The following TIA1 variants were observed in gnomAD, a reference collection of about 807,000 sequenced individuals.
TIA1 encodes the protein cytotoxic granule associated RNA binding protein TIA1.
Under a neutral mutation model 65.9 loss-of-function variants are expected in TIA1, and 23 were observed. The observed-to-expected ratio is 0.35, with a 90% CI of 0.25 to 0.49. The LOEUF (loss-of-function observed/expected upper bound fraction) is 0.49. Among genes scored for constraint, TIA1 ranks in the 20% least tolerant of loss-of-function variants. The pLI, the probability that TIA1 is intolerant of heterozygous loss-of-function variation, is 0.98. For missense variants in TIA1, 371 were observed against 477.9 expected (o/e 0.78, Z 2.09); for synonymous variants, 147 against 149.4 (o/e 0.98, Z 0.12).
intron 9 of TIA1, 36 bp from the exon 10 acceptor site, chr2:70,216,328 T>A: frequency 6.3e-7 from 1 of 1,579,750 alleles, no homozygotes; most frequent in African/African-American, 1.4e-5. Flanking sequence ...CAAATCACAC[T>A]AAGTTATATA....
At chr2:70,217,407 T>C (rs999007978) in intron 7 of TIA1, among the ~76,000 whole-genome samples, 4 of 78,660 alleles carry the variant, frequency 5.1e-5, no homozygotes, top group Admixed American at 3.3e-4. Flanking sequence ...TCTTCTTCTT[T>C]TTTTTTTCTT....
At chr2:70,232,990 C>T (rs997700684) in intron 2 of TIA1, among the ~76,000 whole-genome samples, 17 of 152,176 alleles carry the variant, frequency 1.1e-4, no homozygotes, top group Admixed American at 3.3e-4. Context: ...ATTTTTACAC[C>T]TACAGTGCAA....
intron 1 of TIA1, among the ~76,000 whole-genome samples, chr2:70,238,698 T>A (rs67728807): frequency 0.084 from 12,783 of 151,908 alleles, 569 homozygotes; most frequent in East Asian, 0.18. Flanking sequence ...ATGAGTTGGT[T>A]ATCAATATAA....
Position 70,236,175 on chromosome 2 carries a change from T to G in TIA1, c.27A>C (p.Leu9=). The part of the protein sequence containing the change: MEDEMPKT[L]YVGNLSRDVT... ...CATCTCTGGAAAGGTTACCGACGTA[T>G]CTGAAACACAAAGAGAAACAATTTA... The change falls in exon 2 of 13, where the codon CTA becomes CTC. Residue 9 remains leucine, a splice_region_variant and synonymous_variant. Transcript: ENST00000433529. 1 of 1,581,250 alleles carries G rather than the reference T, an allele frequency of 6.3e-7. No individual in the cohort carries two copies. The highest frequency in any genetic ancestry group is 1.2e-5 in the South Asian group (1 of 86,644).
intron 2 of TIA1, among the ~76,000 whole-genome samples, chr2:70,232,378 TAAAA>T (rs1447752786): frequency 1.4e-5 from 2 of 145,634 alleles, no homozygotes; most frequent in Middle Eastern, 3.9e-3. Context: ...CTGTCTCTAC[TAAAA>T]ATACAAAATT....
At chr2:70,227,347 G>A (rs1684266153) in intron 6 of TIA1, among the ~76,000 whole-genome samples, 1 of 151,960 alleles carries the variant, frequency 6.6e-6, no homozygotes, top group African/African-American at 2.4e-5. Context: ...GTTTCTTTTT[G>A]TTAAAATATA....
chr2:70,231,046 T>C (rs1686040045), intron 2 of TIA1, among the ~76,000 whole-genome samples, 192 bp from the exon 3 acceptor site: 1 of 152,160 alleles, frequency 6.6e-6, no homozygotes, highest in South Asian at 2.1e-4. Context: ...ACACCTGTAA[T>C]CCCAGCACTT....
intron 2 of TIA1, among the ~76,000 whole-genome samples, chr2:70,234,649 C>T (rs187193068): frequency 2.0e-5 from 3 of 152,214 alleles, no homozygotes; most frequent in African/African-American, 7.2e-5. Context: ...GCAACCTTCG[C>T]CTCCTGGGTT....
intron 7 of TIA1, among the ~76,000 whole-genome samples, chr2:70,221,584 G>A (rs903200584): frequency 2.6e-4 from 40 of 152,118 alleles, no homozygotes; most frequent in Middle Eastern, 3.2e-3. Flanking sequence ...CCATTTATAG[G>A]AAATGTTGAG....
At chr2:70,235,262 A>G (rs1688294343) in intron 2 of TIA1, among the ~76,000 whole-genome samples, 1 of 152,120 alleles carries the variant, frequency 6.6e-6, no homozygotes, top group African/African-American at 2.4e-5. Context: ...CTAAGAATAC[A>G]AAATTAGCCA....
intron 2 of TIA1, among the ~76,000 whole-genome samples, chr2:70,232,300 G>A (rs1031258529): frequency 1.3e-5 from 2 of 151,360 alleles, no homozygotes; most frequent in Non-Finnish European, 2.9e-5. Context: ...CAGCACTTTG[G>A]GAGGCCAAGG....
chr2:70,234,513 A>G lies in TIA1; in HGVS notation c.123+1566T>C, dbSNP rs116832909. Among the ~76,000 whole-genome samples, 604 of 152,364 alleles carry G rather than the reference A, an allele frequency of 4.0e-3. 3 individuals carry two copies. The highest frequency in any genetic ancestry group is 0.013 in the African/African-American group (546 of 41,588). On this transcript the variant is annotated intron_variant, in intron 2 of 12. Transcript: ENST00000433529. Reference sequence around the variant, plus strand: ...ATGCAGATGATTTTGCAGCATCAGAACAAAGGTCTGACAACATTTTAAGAT... The same window carrying G: ...ATGCAGATGATTTTGCAGCATCAGAGCAAAGGTCTGACAACATTTTAAGAT...
At chr2:70,219,923 C>T (rs1209334287) in intron 7 of TIA1, among the ~76,000 whole-genome samples, 1 of 151,964 alleles carries the variant, frequency 6.6e-6, no homozygotes, top group Non-Finnish European at 1.5e-5. Context: ...ATCACCCCAA[C>T]CAGTCCGAAC....
intron 1 of TIA1, among the ~76,000 whole-genome samples, chr2:70,237,498 G>A (rs1311838217): frequency 2.0e-5 from 3 of 152,088 alleles, no homozygotes; most frequent in African/African-American, 4.8e-5. Context: ...TTGTTTCTAC[G>A]TTTCCAGGCT....
chr2:70,247,938 T>A (rs1339827194), intron 1 of TIA1, among the ~76,000 whole-genome samples: 1 of 147,254 alleles, frequency 6.8e-6, no homozygotes, highest in Admixed American at 6.8e-5. Context: ...GGAAAAAAAA[T>A]CTTATCACCG....
At chr2:70,234,071 C>G (rs868319980) in intron 2 of TIA1, among the ~76,000 whole-genome samples, 6 of 152,142 alleles carry the variant, frequency 3.9e-5, no homozygotes, top group Middle Eastern at 3.2e-3. Context: ...AACGTTTTGT[C>G]TAATGATCTT....
rs1676526252 is a variant in TIA1, at chr2:70,211,692, A to G, written c.*1027T>C. The G allele has an allele frequency of 6.6e-6, 1 of 152,664 alleles. No individual in the cohort carries two copies. Among genetic ancestry groups the G allele is most frequent in the Non-Finnish European group, 1.5e-5 (1 of 68,048 alleles). 9.5% of individuals were successfully genotyped at this position (152,664 alleles called of 1,614,324 possible). ...GCAGATGACTTTGTATTCAAAGACT[A>G]CCAAAGTATGTATTTGATTTTCACA... is the stretch of plus-strand genomic sequence containing the variant. On this transcript the variant is annotated 3_prime_UTR_variant, in exon 13 of 13. Transcript: ENST00000433529.
At chr2:70,236,854 C>T (rs1028876179) in intron 1 of TIA1, among the ~76,000 whole-genome samples, 1 of 152,152 alleles carries the variant, frequency 6.6e-6, no homozygotes, top group Non-Finnish European at 1.5e-5. Context: ...TCTCAAACTC[C>T]TGGGTTCAAG....
In TIA1 at chr2:70,209,456, ACACT is replaced by A. The variant is rs1182152378; in HGVS notation, c.*3259_*3262del. On this transcript the variant is annotated 3_prime_UTR_variant, in exon 13 of 13. Transcript: ENST00000433529. ...GTAGAAAAACCTATTCAATTGAGAC[ACACT>A]CACACATTTTATTAAGGCTCTTAAA... 8 of 397,196 alleles carry A rather than the reference ACACT, an allele frequency of 2.0e-5. No homozygotes were observed. Among genetic ancestry groups the A allele is most frequent in the East Asian group, 7.2e-5 (2 of 27,928 alleles). 24.6% of individuals were successfully genotyped at this position (397,196 alleles called of 1,614,324 possible).
Sources: allele counts gnomAD v4.1 joint callset (sites outside exome capture counted in the v4.1 genomes callset), GRCh38; gene constraint gnomAD v4.1.1; transcripts MANE v1.5; gene names NCBI Gene and HGNC (gene_info 2026-07-23, HGNC 2026-07-21).